The following COL24A1 variants were observed in gnomAD, a reference collection of about 807,000 sequenced individuals.
The protein encoded by COL24A1 is collagen type XXIV alpha 1 chain.
COL24A1 carries 224 observed loss-of-function variants against 253.9 expected under a neutral mutation model. The ratio of observed to expected loss-of-function variants is 0.88; its 90% CI spans 0.79 to 0.99. The LOEUF is 0.99. Ranked by LOEUF, COL24A1 falls within the 50% of genes least tolerant of loss-of-function variation. The pLI, the probability that COL24A1 is intolerant of heterozygous loss-of-function variation, is 0.00. For synonymous variants in COL24A1, 685 were observed against 673.7 expected (o/e 1.02, Z -0.26); for missense variants, 2,131 against 2,068.5 (o/e 1.03, Z -0.59).
intron 20 of COL24A1, among the ~76,000 whole-genome samples, chr1:85,984,920 T>A (rs769012026): frequency 1.3e-4 from 20 of 151,982 alleles, no homozygotes; most frequent in Non-Finnish European, 3.0e-4. Context: ...GTTAATCAGT[T>A]ACCAAGTTGT....
chr1:85,814,640 A>G (rs1428966908), intron 47 of COL24A1, among the ~76,000 whole-genome samples: 1 of 152,196 alleles, frequency 6.6e-6, no homozygotes, highest in Non-Finnish European at 1.5e-5. Context: ...TGATCTCAAG[A>G]GAAAATGGTC....
intron 1 of COL24A1, among the ~76,000 whole-genome samples, chr1:86,151,093 G>A (rs963077558): frequency 5.5e-4 from 83 of 150,616 alleles, no homozygotes; most frequent in African/African-American, 1.9e-3. Flanking sequence ...TTGTATATAT[G>A]TGTGTGTGTG....
At chr1:86,150,888 A>G (rs1652668632) in intron 1 of COL24A1, among the ~76,000 whole-genome samples, 1 of 152,188 alleles carries the variant, frequency 6.6e-6, no homozygotes, top group Admixed American at 6.5e-5. Context: ...TAGCTGACTC[A>G]TCTATCATGT....
intron 24 of COL24A1, among the ~76,000 whole-genome samples, chr1:85,955,218 C>T (rs1467369531): frequency 6.6e-6 from 1 of 152,178 alleles, no homozygotes; most frequent in Non-Finnish European, 1.5e-5. Flanking sequence ...GGAGAAAAGT[C>T]CAGCCACTGG....
chr1:86,008,444 G>T (rs1203439715), intron 19 of COL24A1, among the ~76,000 whole-genome samples: 1 of 151,946 alleles, frequency 6.6e-6, no homozygotes, highest in African/African-American at 2.4e-5. Flanking sequence ...ATGGTGTTTT[G>T]CCATGCTGCC....
intron 39 of COL24A1, among the ~76,000 whole-genome samples, chr1:85,845,600 A>G (rs1240157244): frequency 6.6e-6 from 1 of 151,830 alleles, no homozygotes; most frequent in African/African-American, 2.4e-5. Flanking sequence ...AGGGGAGGCA[A>G]TATTATTTAC....
At chr1:85,768,585 T>TG (rs758888134) in intron 53 of COL24A1, among the ~76,000 whole-genome samples, 47,556 of 111,460 alleles carry the variant, frequency 0.43, 8,214 homozygotes, top group Admixed American at 0.5. Context: ...AGTTCTTTTG[T>TG]GCGGGGGGAG....
At chr1:85,868,021 A>G (rs1679990407) in intron 37 of COL24A1, among the ~76,000 whole-genome samples, 2 of 152,162 alleles carry the variant, frequency 1.3e-5, no homozygotes, top group Admixed American at 1.3e-4. Flanking sequence ...CTGGGATTAC[A>G]GGCCTGGCCA....
At chr1:85,923,775 G>A (rs1686838507) in intron 24 of COL24A1, among the ~76,000 whole-genome samples, 1 of 152,038 alleles carries the variant, frequency 6.6e-6, no homozygotes, top group South Asian at 2.1e-4. Flanking sequence ...AGAAGCAAGG[G>A]CAAACAAATT....
intron 32 of COL24A1, among the ~76,000 whole-genome samples, chr1:85,884,865 A>G (rs1315920231): frequency 6.6e-6 from 1 of 152,128 alleles, no homozygotes; most frequent in Non-Finnish European, 1.5e-5. Flanking sequence ...TAAAGTAAGA[A>G]CCTGTTAGGG....
intron 4 of COL24A1, among the ~76,000 whole-genome samples, chr1:86,114,079 G>A (rs12048574): frequency 0.17 from 25,922 of 151,836 alleles, 2,294 homozygotes; most frequent in South Asian, 0.25. Flanking sequence ...TAATATCAAT[G>A]AAAGTTTGGG....
chr1:85,811,931 C>T (rs1672586725), intron 47 of COL24A1, among the ~76,000 whole-genome samples: 1 of 152,128 alleles, frequency 6.6e-6, no homozygotes, highest in Non-Finnish European at 1.5e-5. Context: ...GTAGAGATGC[C>T]ATATGAGCCC....
chr1:85,887,792 T>C (rs1424400138), intron 32 of COL24A1, among the ~76,000 whole-genome samples: 1 of 152,140 alleles, frequency 6.6e-6, no homozygotes, highest in Non-Finnish European at 1.5e-5. Flanking sequence ...TCTCAGTTTC[T>C]TGTGCAGTTT....
rs542428280 is a variant in COL24A1 at position 86,044,219 on chromosome 1, G to A, written c.1950+2606C>T. On this transcript the variant is annotated intron_variant, in intron 12 of 59. Transcript: ENST00000370571. ...AATTGAAGTACAAGAATCCTATGGT[G>A]CATAATACCTTTTGAAGATGATTTT... is the stretch of plus-strand genomic sequence containing the variant. Among the ~76,000 whole-genome samples, 53 of 152,216 alleles carry A rather than the reference G, an allele frequency of 3.5e-4. No homozygotes were observed. In the Middle Eastern group the frequency reaches 0.01, roughly 29 times the overall value.
intron 24 of COL24A1, among the ~76,000 whole-genome samples, chr1:85,924,490 T>A (rs1686946318): frequency 6.6e-6 from 1 of 152,214 alleles, no homozygotes; most frequent in Admixed American, 6.5e-5. Context: ...GTTGGCTTCA[T>A]CCCTGGGATG....
chr1:86,101,219 C>T (rs910982755), intron 5 of COL24A1, among the ~76,000 whole-genome samples: 1 of 152,018 alleles, frequency 6.6e-6, no homozygotes, highest in Non-Finnish European at 1.5e-5. Flanking sequence ...GATATAATTA[C>T]CCAGCATCAT....
intron 47 of COL24A1, among the ~76,000 whole-genome samples, chr1:85,793,315 C>A (rs1670491278): frequency 6.6e-6 from 1 of 151,950 alleles, no homozygotes; most frequent in Non-Finnish European, 1.5e-5. Flanking sequence ...ACCTTTAAGT[C>A]TTTTTTTGTC....
intron 43 of COL24A1, among the ~76,000 whole-genome samples, chr1:85,827,235 A>C (rs565073607): frequency 1.3e-5 from 2 of 151,680 alleles, no homozygotes; most frequent in African/African-American, 4.8e-5. Flanking sequence ...CATTTATTGA[A>C]TTGCGTATAT....
chr1:85,761,707 G>A (rs1558023540), intron 53 of COL24A1, 141 bp from the exon 54 acceptor site: 3 of 734,306 alleles, frequency 4.1e-6, no homozygotes, highest in Non-Finnish European at 7.0e-6. Context: ...GTATTCTAAA[G>A]TTATATGCTG....
Sources: allele counts gnomAD v4.1 joint callset (sites outside exome capture counted in the v4.1 genomes callset), GRCh38; gene constraint gnomAD v4.1.1; transcripts MANE v1.5; gene names NCBI Gene and HGNC (gene_info 2026-07-23, HGNC 2026-07-21).